Variants in MGAT4D observed in about 807,000 individuals in gnomAD.
The protein encoded by MGAT4D is MGAT4 family member D.
A neutral mutation model predicts 15.9 loss-of-function variants in MGAT4D; 34 were observed. The ratio of observed to expected loss-of-function variants is 2.14; its 90% CI spans 1.62 to 2.84. MGAT4D has a LOEUF of 2.84. Among genes scored for constraint, MGAT4D ranks in the 30% most tolerant of loss-of-function variants. MGAT4D has a pLI of 0.00. For missense variants in MGAT4D, 327 were observed against 140.2 expected (o/e 2.33, Z -6.73); for synonymous variants, 112 against 48.2 (o/e 2.33, Z -5.49).
rs1337699745 is a variant in MGAT4D at position 140,498,109 on chromosome 4, G to C, written c.94+20C>G. ...GCCCCCGCGGCGGGAAAGGAGGCGG[G>C]AGGAGGGCCCGCCGCTTACTGGTTT... On this transcript the variant is annotated intron_variant, in intron 1 of 10. Coordinates refer to ENST00000511113, the MANE Select transcript of MGAT4D (RefSeq NM_001277353.2). 2.9e-6 allele frequency: 2 copies of C among 696,174 alleles called. No individual in the cohort carries two copies. The highest frequency in any genetic ancestry group is 5.2e-6 in the Non-Finnish European group (2 of 382,036). The allele number at this position is 696,174 out of a possible 1,614,324, so 43.1% of individuals were successfully genotyped here.
At chr4:140,447,108 G>A (rs541569323) in intron 10 of MGAT4D, among the ~76,000 whole-genome samples, 9 of 152,062 alleles carry the variant, frequency 5.9e-5, no homozygotes, top group Non-Finnish European at 1.3e-4. Context: ...TGCATTTGCT[G>A]AGGATTGTTT....
chr4:140,472,464 T>A (rs1578682452), intron 4 of MGAT4D, among the ~76,000 whole-genome samples: 1 of 152,178 alleles, frequency 6.6e-6, no homozygotes, highest in East Asian at 1.9e-4. Context: ...CAACACAAAA[T>A]TTTGAAAATA....
intron 9 of MGAT4D, 50 bp from the exon 10 acceptor site, chr4:140,451,567 G>A (rs1404544928): frequency 2.1e-6 from 1 of 465,152 alleles, no homozygotes; most frequent in East Asian, 3.3e-5. Context: ...GTATTGCTTT[G>A]TATTGCGTTT....
intron 5 of MGAT4D, among the ~76,000 whole-genome samples, chr4:140,465,644 A>G (rs1390208801): frequency 6.6e-6 from 1 of 152,252 alleles, no homozygotes; most frequent in African/African-American, 2.4e-5. Flanking sequence ...GTCTTCCTTT[A>G]GAGATAATGT....
intron 1 of MGAT4D, among the ~76,000 whole-genome samples, chr4:140,488,691 T>C (rs999719789): frequency 6.6e-6 from 1 of 152,190 alleles, no homozygotes; most frequent in Admixed American, 6.5e-5. Flanking sequence ...TGGTATGGTA[T>C]GTGATATAGT....
intron 5 of MGAT4D, among the ~76,000 whole-genome samples, chr4:140,468,363 A>G (rs1331965058): frequency 6.6e-6 from 1 of 152,206 alleles, no homozygotes; most frequent in African/African-American, 2.4e-5. Flanking sequence ...AAGTATTCTC[A>G]TACATTAGGT....
In MGAT4D at chr4:140,443,346, T is replaced by A. The variant is rs1480437965; in HGVS notation, c.*90A>T. Reference sequence around the variant, plus strand: ...TTTACTTATCTGCTAGATAATTATGTATTTTCATTACTACAATTTCTGAAA... The same window carrying A: ...TTTACTTATCTGCTAGATAATTATGAATTTTCATTACTACAATTTCTGAAA... On this transcript the variant is annotated 3_prime_UTR_variant, in exon 11 of 11. Coordinates refer to ENST00000511113, the MANE Select transcript of MGAT4D (RefSeq NM_001277353.2). The A allele has an allele frequency of 9.2e-6, 4 of 435,392 alleles. No individual in the cohort carries two copies. Among genetic ancestry groups the A allele is most frequent in the African/African-American group, 6.1e-5 (3 of 48,974 alleles). The allele number at this position is 435,392 out of a possible 1,614,324, so 27.0% of individuals were successfully genotyped here.
At chr4:140,494,021 CA>C (rs1733675438) in intron 1 of MGAT4D, among the ~76,000 whole-genome samples, 1 of 152,118 alleles carries the variant, frequency 6.6e-6, no homozygotes, top group African/African-American at 2.4e-5. Flanking sequence ...AGGTAGCTAG[CA>C]GATGACTAGG....
At chr4:140,493,168 TC>T (rs1241396488) in intron 1 of MGAT4D, among the ~76,000 whole-genome samples, 3 of 152,056 alleles carry the variant, frequency 2.0e-5, no homozygotes, top group Non-Finnish European at 4.4e-5. Context: ...AGCTCATCAC[TC>T]AAGCTAATAA....
chr4:140,468,110 T>C (rs939746764), intron 5 of MGAT4D, among the ~76,000 whole-genome samples: 1 of 146,560 alleles, frequency 6.8e-6, no homozygotes, highest in African/African-American at 2.5e-5. Flanking sequence ...GAATATTAAA[T>C]AGTGAATATT....
chr4:140,475,448 G>T lies in MGAT4D; in HGVS notation c.392-502C>A, dbSNP rs1390509082. ...TGCCCAAGAATAGCTGGAGCACTAG[G>T]GCTCCAAGATGTACACATCTTGGCT... On this transcript the variant is annotated intron_variant, in intron 3 of 10. Coordinates refer to ENST00000511113, the MANE Select transcript of MGAT4D (RefSeq NM_001277353.2). Among the ~76,000 whole-genome samples, 7 of 151,894 alleles carry T rather than the reference G, an allele frequency of 4.6e-5. No homozygotes were observed. The South Asian group carries it at 1.5e-3, about 32-fold the overall frequency.
intron 1 of MGAT4D, among the ~76,000 whole-genome samples, chr4:140,497,159 T>C (rs886099420): frequency 2.0e-5 from 3 of 152,180 alleles, no homozygotes; most frequent in Non-Finnish European, 4.4e-5. Flanking sequence ...TCAGCACTCC[T>C]ACCAAGATTA....
intron 10 of MGAT4D, among the ~76,000 whole-genome samples, chr4:140,447,612 C>T (rs1161456975): frequency 1.3e-5 from 2 of 151,880 alleles, no homozygotes; most frequent in East Asian, 3.8e-4. Flanking sequence ...TGAGATGGAT[C>T]TCTTGAAGAC....
At chr4:140,496,275 A>G (rs1297496698) in intron 1 of MGAT4D, among the ~76,000 whole-genome samples, 1 of 152,202 alleles carries the variant, frequency 6.6e-6, no homozygotes, top group Non-Finnish European at 1.5e-5. Context: ...TAATTATTTT[A>G]GAGCTAAGTT....
chr4:140,457,736 T>C (rs1435609743), intron 8 of MGAT4D: 1 of 152,212 alleles, frequency 6.6e-6, no homozygotes. Context: ...TATGTGTCTC[T>C]TACTTGACTT....
chr4:140,486,146 C>G (rs181531128), intron 1 of MGAT4D, among the ~76,000 whole-genome samples: 1 of 152,006 alleles, frequency 6.6e-6, no homozygotes, highest in Non-Finnish European at 1.5e-5. Flanking sequence ...GTTCCTCACA[C>G]GAGCCAAACA....
In MGAT4D at chr4:140,442,672, G is replaced by T. The variant is rs1729849596; in HGVS notation, c.*764C>A. The T allele has an allele frequency of 6.6e-6, 1 of 152,004 alleles. No individual in the cohort carries two copies. The highest frequency in any genetic ancestry group is 1.5e-5 in the Non-Finnish European group (1 of 67,960). 9.4% of individuals were successfully genotyped at this position (152,004 alleles called of 1,614,324 possible). A position where few individuals can be genotyped will look rare whatever the true frequency, so the allele number is the denominator to read the frequency against. On this transcript the variant is annotated 3_prime_UTR_variant, in exon 11 of 11. Transcript: ENST00000511113. ...TAACATATTTAAAAGGGAGTATACA[G>T]AAACTATACATTCTTTCCAAAGTCA... is the stretch of plus-strand genomic sequence containing the variant.
intron 7 of MGAT4D, among the ~76,000 whole-genome samples, chr4:140,459,880 G>T (rs189772832): frequency 6.9e-6 from 1 of 144,064 alleles, no homozygotes; most frequent in East Asian, 2.0e-4. Flanking sequence ...CTGCAGGCAC[G>T]TGCCACCATG....
In MGAT4D at chr4:140,443,078, T is replaced by C. The variant is rs1729873802; in HGVS notation, c.*358A>G. 1 of 156,036 alleles carries C rather than the reference T, an allele frequency of 6.4e-6. No homozygotes were observed. The highest frequency in any genetic ancestry group is 6.5e-5 in the Admixed American group (1 of 15,400). 9.7% of individuals were successfully genotyped at this position (156,036 alleles called of 1,614,324 possible). A position where few individuals can be genotyped will look rare whatever the true frequency, so the allele number is the denominator to read the frequency against. On this transcript the variant is annotated 3_prime_UTR_variant, in exon 11 of 11. Coordinates refer to ENST00000511113, the MANE Select transcript of MGAT4D (RefSeq NM_001277353.2). ...TCTTAACAAAATGGATAACGGCATA[T>C]ACCAATTCACCCCAAACTTCTCCCT...
Sources: allele counts gnomAD v4.1 joint callset (sites outside exome capture counted in the v4.1 genomes callset), GRCh38; gene constraint gnomAD v4.1.1; transcripts MANE v1.5; gene names NCBI Gene and HGNC (gene_info 2026-07-23, HGNC 2026-07-21).